Variants in SLC8A1 observed in about 807,000 individuals in gnomAD.
SLC8A1 encodes sodium/calcium exchanger 1.
Under a neutral mutation model 68.3 loss-of-function variants are expected in SLC8A1, and 18 were observed. The ratio of observed to expected loss-of-function variants is 0.26; its 90% CI spans 0.18 to 0.39. The LOEUF (loss-of-function observed/expected upper bound fraction) is 0.39, where lower values mean the gene tolerates loss of function less well. Ranked by LOEUF, SLC8A1 falls within the 10% of genes least tolerant of loss-of-function variation. The pLI is 1.00. For synonymous variants in SLC8A1, 475 were observed against 415.5 expected, an observed-to-expected ratio of 1.14 and a Z score of -1.74; for missense variants, 985 against 1,156.7, an observed-to-expected ratio of 0.85 and a Z score of 2.15.
At chr2:40,486,075 G>A (rs755447198) in intron 1 of SLC8A1, among the ~76,000 whole-genome samples, 3 of 152,114 alleles carry the variant, frequency 2.0e-5, no homozygotes, top group Non-Finnish European at 2.9e-5. Context: ...TGCTGTTCTC[G>A]TGATAGTGAG....
At chr2:40,364,459 A>C (rs1438016041) in intron 2 of SLC8A1, among the ~76,000 whole-genome samples, 2 of 151,616 alleles carry the variant, frequency 1.3e-5, no homozygotes, top group Non-Finnish European at 2.9e-5. Flanking sequence ...ACAAAAAAAA[A>C]ACAATTAGAA....
At chr2:40,382,466 C>G (rs1235619529) in intron 2 of SLC8A1, among the ~76,000 whole-genome samples, 1 of 151,994 alleles carries the variant, frequency 6.6e-6, no homozygotes, top group East Asian at 1.9e-4. Context: ...AAATATTATT[C>G]AAATCAATAA....
chr2:40,254,342 T>C (rs1462345879), intron 2 of SLC8A1: 1 of 152,102 alleles, frequency 6.6e-6, no homozygotes, highest in African/African-American at 2.4e-5. Flanking sequence ...AGCTGGCATA[T>C]TGAATTAATA....
At chr2:40,161,456 A>G (rs1321754789) in intron 5 of SLC8A1, among the ~76,000 whole-genome samples, 1 of 152,184 alleles carries the variant, frequency 6.6e-6, no homozygotes, top group Non-Finnish European at 1.5e-5. Context: ...GCAAACAAGA[A>G]TACACAAAAA....
At chr2:40,261,644 C>T (rs1295715770) in intron 2 of SLC8A1, among the ~76,000 whole-genome samples, 4 of 152,030 alleles carry the variant, frequency 2.6e-5, no homozygotes, top group African/African-American at 9.7e-5. Context: ...GAGAAAGAGC[C>T]CATGCTACTC....
Position 40,429,396 on chromosome 2 carries a change from C to G in SLC8A1, c.885G>C (p.Val295=), listed in dbSNP as rs111443122. The change falls in exon 2 of 8, where the codon GTG becomes GTC. Residue 295 remains valine, a synonymous_variant. Transcript: ENST00000406785. ...AGAAATTTTCAACATGAGAATTGAC[C>G]ACTTTCCCGTCCATTTCAATTTCAG... 7 of 1,613,856 alleles carry G rather than the reference C, an allele frequency of 4.3e-6. No homozygotes were observed. In the African/African-American group the frequency reaches 6.7e-5, roughly 15 times the overall value.
exon 8 of SLC8A1, chr2:40,106,346 C>G (rs1385420826): frequency 6.6e-6 from 1 of 152,180 alleles, no homozygotes; most frequent in African/African-American, 2.4e-5. Flanking sequence ...CGAGACCAAC[C>G]TGGAAAGAGC....
intron 1 of SLC8A1, among the ~76,000 whole-genome samples, chr2:40,460,385 T>G (rs1703271730): frequency 1.3e-5 from 2 of 152,112 alleles, no homozygotes; most frequent in Non-Finnish European, 2.9e-5. Flanking sequence ...ACATGCTACT[T>G]TATAGGGTAA....
chr2:40,452,928 T>TG (rs1353303313), upstream of SLC8A1, among the ~76,000 whole-genome samples: 1 of 151,944 alleles, frequency 6.6e-6, no homozygotes, highest in Non-Finnish European at 1.5e-5. Flanking sequence ...TAAGGTTGAG[T>TG]GGGAAAAAAC....
intron 1 of SLC8A1, among the ~76,000 whole-genome samples, chr2:40,503,392 G>A (rs1362090169): frequency 6.6e-6 from 1 of 151,936 alleles, no homozygotes; most frequent in East Asian, 1.9e-4. Flanking sequence ...ACTTGGTATA[G>A]TGAGATAGTC....
chr2:40,226,697 G>C (rs540243949), intron 2 of SLC8A1, among the ~76,000 whole-genome samples: 6 of 152,266 alleles, frequency 3.9e-5, no homozygotes, highest in Admixed American at 1.3e-4. Context: ...AAGCATCTTT[G>C]ACTAATGTGT....
intron 2 of SLC8A1, among the ~76,000 whole-genome samples, chr2:40,321,688 A>G (rs1408352554): frequency 6.6e-6 from 1 of 152,122 alleles, no homozygotes; most frequent in African/African-American, 2.4e-5. Context: ...TAAAACCATC[A>G]GATCTTGTGA....
chr2:40,118,609 T>TTTTTG (rs2036061708), intron 7 of SLC8A1: 1 of 26,668 alleles, frequency 3.7e-5, no homozygotes, highest in Non-Finnish European at 7.1e-5. Flanking sequence ...AAAAGGAAGT[T>TTTTTG]TTTTTTTTTT....
At chr2:40,350,766 T>C (rs1231315390) in intron 2 of SLC8A1, among the ~76,000 whole-genome samples, 1 of 152,074 alleles carries the variant, frequency 6.6e-6, no homozygotes, top group Non-Finnish European at 1.5e-5. Flanking sequence ...CACTAATCTA[T>C]GGAGTATAAG....
At chr2:40,379,554 C>T (rs1681032903) in intron 2 of SLC8A1, among the ~76,000 whole-genome samples, 1 of 152,030 alleles carries the variant, frequency 6.6e-6, no homozygotes, top group Admixed American at 6.6e-5. Flanking sequence ...CGAAGTCGCC[C>T]CCTTGCCTGT....
chr2:40,451,737 TCA>T (rs756970142), intron 1 of SLC8A1, among the ~76,000 whole-genome samples, 165 bp downstream of exon 1: 22,264 of 133,426 alleles, frequency 0.17, 1,918 homozygotes, highest in Non-Finnish European at 0.21. Flanking sequence ...ACACACCACA[TCA>T]CACACACACA....
chr2:40,471,501 C>A (rs926706538), intron 1 of SLC8A1, among the ~76,000 whole-genome samples: 1 of 152,112 alleles, frequency 6.6e-6, no homozygotes, highest in African/African-American at 2.4e-5. Context: ...GAAATAGGGG[C>A]GTACTACCTC....
chr2:40,458,566 C>T (rs958453619), intron 1 of SLC8A1, among the ~76,000 whole-genome samples: 20 of 151,374 alleles, frequency 1.3e-4, no homozygotes, highest in African/African-American at 4.6e-4. Flanking sequence ...GCAGTTCAGG[C>T]TCTGGTTAGC....
At chr2:40,253,110 C>T (rs1431851315) in intron 2 of SLC8A1, among the ~76,000 whole-genome samples, 16 of 106,776 alleles carry the variant, frequency 1.5e-4, no homozygotes, top group South Asian at 5.0e-4. Flanking sequence ...TACATATATA[C>T]GTGTATACAT....
Sources: allele counts gnomAD v4.1 joint callset (sites outside exome capture counted in the v4.1 genomes callset), GRCh38; gene constraint gnomAD v4.1.1; transcripts MANE v1.5; gene names NCBI Gene and HGNC (gene_info 2026-07-23, HGNC 2026-07-21).